Variants in XRCC5 observed in about 807,000 individuals in gnomAD.
XRCC5 encodes X-ray repair cross complementing 5.
In XRCC5, 12 loss-of-function variants were observed where a neutral mutation model predicts 95.7. That is an observed-to-expected ratio of 0.13 (90% CI 0.08 to 0.20). The LOEUF is 0.20. Among genes scored for constraint, XRCC5 ranks in the 10% least tolerant of loss-of-function variants. The pLI is 1.00. For missense variants in XRCC5, 595 were observed against 873.9 expected (o/e 0.68, Z 4.02); for synonymous variants, 281 against 290.3 (o/e 0.97, Z 0.33).
At chr2:216,155,264 A>G (rs1574469439) in intron 14 of XRCC5, among the ~76,000 whole-genome samples, 1 of 149,108 alleles carries the variant, frequency 6.7e-6, no homozygotes, top group Non-Finnish European at 1.5e-5. Flanking sequence ...AAGACAAGGA[A>G]CTAATAATTA....
intron 16 of XRCC5, chr2:216,175,942 T>C (rs941134522): frequency 2.7e-6 from 1 of 367,766 alleles, no homozygotes; most frequent in Middle Eastern, 4.9e-4. Flanking sequence ...CTGGATTCCT[T>C]TGGATCATGG....
chr2:216,120,321 G>A (rs1306183452), intron 5 of XRCC5, among the ~76,000 whole-genome samples: 2 of 152,264 alleles, frequency 1.3e-5, no homozygotes, highest in Non-Finnish European at 2.9e-5. Flanking sequence ...AATGTCATTC[G>A]AAAGAGCTAC....
chr2:216,129,194 T>C (rs1244722760), intron 8 of XRCC5, among the ~76,000 whole-genome samples: 1 of 152,202 alleles, frequency 6.6e-6, no homozygotes, highest in African/African-American at 2.4e-5. Flanking sequence ...CTGGTTATCT[T>C]AGGCAAAAAG....
chr2:216,191,334 AAGAG>A (rs1307705261), intron 17 of XRCC5, among the ~76,000 whole-genome samples: 5 of 152,128 alleles, frequency 3.3e-5, no homozygotes, highest in Admixed American at 1.3e-4. Context: ...AAAAAAATAA[AAGAG>A]AGACAAGAGA....
Position 216,130,957 on chromosome 2 carries a change from C to T in XRCC5, c.1020C>T (p.Phe340=), listed in dbSNP as rs61762971. ...AATATAAATCGGAGGGGAAGTGCTT[C>T]TCTGTTTTGGGATTTTGTAAATCTT... ...QMKYKSEGKC[F]SVLGFCKSSQ... is the part of the protein sequence containing the mutation. The change falls in exon 9 of 21, where the codon TTC becomes TTT. Residue 340 remains phenylalanine, a synonymous_variant. Transcript: ENST00000392132. The T allele has an allele frequency of 1.9e-3, 3,082 of 1,613,304 alleles. 6 individuals are homozygous for T. The highest frequency in any genetic ancestry group is 2.2e-3 in the Non-Finnish European group (2,625 of 1,179,630).
intron 15 of XRCC5, among the ~76,000 whole-genome samples, chr2:216,160,368 A>G (rs1203971437): frequency 6.6e-6 from 1 of 152,188 alleles, no homozygotes; most frequent in African/African-American, 2.4e-5. Flanking sequence ...AGAATTATCT[A>G]TATGATATAA....
intron 16 of XRCC5, among the ~76,000 whole-genome samples, chr2:216,188,901 A>C (rs1242205020): frequency 1.3e-5 from 2 of 152,190 alleles, no homozygotes; most frequent in Non-Finnish European, 2.9e-5. Flanking sequence ...TAATCCCTCA[A>C]GTTTGTTAAG....
chr2:216,158,352 G>A (rs905695530), intron 14 of XRCC5, among the ~76,000 whole-genome samples: 2 of 152,144 alleles, frequency 1.3e-5, no homozygotes, highest in African/African-American at 2.4e-5. Flanking sequence ...CACAGTGAAC[G>A]CCATCAAGAA....
At chr2:216,156,016 G>A (rs935144240) in intron 14 of XRCC5, among the ~76,000 whole-genome samples, 2 of 152,146 alleles carry the variant, frequency 1.3e-5, no homozygotes, top group African/African-American at 4.8e-5. Context: ...ACGAAGAAGC[G>A]AAGACACTAA....
At chr2:216,135,605 C>T (rs979616736) in intron 10 of XRCC5, among the ~76,000 whole-genome samples, 1 of 152,080 alleles carries the variant, frequency 6.6e-6, no homozygotes, top group African/African-American at 2.4e-5. Context: ...CGAGACCAGT[C>T]TGGGCAACAT....
At chr2:216,190,930 T>G (rs963454371) in intron 17 of XRCC5, among the ~76,000 whole-genome samples, 1 of 151,126 alleles carries the variant, frequency 6.6e-6, no homozygotes, top group African/African-American at 2.4e-5. Flanking sequence ...AGAAAGCATA[T>G]TTTTTAAGTG....
intron 6 of XRCC5, among the ~76,000 whole-genome samples, chr2:216,123,809 A>G (rs183322572): frequency 0.016 from 2,408 of 152,318 alleles, 35 homozygotes; most frequent in Non-Finnish European, 0.021. Flanking sequence ...CCGTCTCAAA[A>G]AGAAAAGAAA....
At chr2:216,112,599 C>T (rs1335625149) in intron 1 of XRCC5, among the ~76,000 whole-genome samples, 4 of 152,200 alleles carry the variant, frequency 2.6e-5, no homozygotes, top group Admixed American at 6.5e-5. Flanking sequence ...AATTATGCCC[C>T]GAATCAGTGA....
intron 16 of XRCC5, among the ~76,000 whole-genome samples, chr2:216,178,251 T>C (rs1436836324): frequency 6.6e-6 from 1 of 152,212 alleles, no homozygotes; most frequent in African/African-American, 2.4e-5. Flanking sequence ...TAGGCTTCCA[T>C]TAAAAATAAG....
chr2:216,141,418 T>A, intron 13 of XRCC5, 99 bp downstream of exon 13: 1 of 1,270,978 alleles, frequency 7.9e-7, no homozygotes, highest in Non-Finnish European at 1.1e-6. Context: ...ATGTCTTTTT[T>A]CTCTGAAGGC....
chr2:216,192,598 C>A, intron 17 of XRCC5, 41 bp from the exon 18 acceptor site: 2 of 1,458,134 alleles, frequency 1.4e-6, no homozygotes, highest in South Asian at 1.3e-5. Context: ...TTTGTGTTTG[C>A]TCTGACTTGC....
chr2:216,180,081 A>G (rs1414633575), intron 16 of XRCC5, among the ~76,000 whole-genome samples: 1 of 152,214 alleles, frequency 6.6e-6, no homozygotes, highest in Non-Finnish European at 1.5e-5. Flanking sequence ...TTTGCTGAGA[A>G]GGAGAAGATG....
intron 13 of XRCC5, among the ~76,000 whole-genome samples, chr2:216,146,719 G>C (rs1433501994): frequency 2.0e-5 from 3 of 152,166 alleles, no homozygotes. Flanking sequence ...CTTGAGGCAG[G>C]ATAGGTGGTT....
intron 1 of XRCC5, chr2:216,111,415 T>C (rs752250432): frequency 4.0e-5 from 18 of 449,028 alleles, no homozygotes; most frequent in South Asian, 2.5e-4. Context: ...TCCCAGCTAT[T>C]TGGAAGGCTG....
Sources: allele counts gnomAD v4.1 joint callset (sites outside exome capture counted in the v4.1 genomes callset), GRCh38; gene constraint gnomAD v4.1.1; transcripts MANE v1.5; gene names NCBI Gene and HGNC (gene_info 2026-07-23, HGNC 2026-07-21).